ZNF226: variants seen among roughly 807,000 people sequenced by gnomAD.
The protein encoded by ZNF226 is Kruppel-associated box protein.
ZNF226 carries 6 observed loss-of-function variants against 11.4 expected under a neutral mutation model. The observed-to-expected ratio is 0.53, with a 90% CI of 0.29 to 1.04. ZNF226 has a LOEUF of 1.04. Ranked by LOEUF, ZNF226 falls within the 50% of genes least tolerant of loss-of-function variation. ZNF226 has a pLI of 0.08. For missense variants in ZNF226, 1,058 were observed against 956.5 expected, an observed-to-expected ratio of 1.11 and a Z score of -1.40; for synonymous variants, 350 against 322.8, an observed-to-expected ratio of 1.08 and a Z score of -0.90.
rs768819526 is a variant in ZNF226 at position 44,176,921 on chromosome 19, C to T, written c.1659C>T (p.His553=). The T allele has an allele frequency of 2.5e-6, 4 of 1,613,700 alleles. No homozygotes were observed. The highest frequency in any genetic ancestry group is 1.1e-5 in the South Asian group (1 of 91,082). Residue 553 remains histidine, a synonymous_variant, in exon 6 of 6, where the codon CAC becomes CAT. Transcript: ENST00000337433. ...ATCTTCAAATCCATCAGAAGGCCCA[C>T]AGTATAGAGAAACCTTTTAAGTGTG... ...SSYLQIHQKA[H]SIEKPFKCEE... is the part of the protein sequence containing the mutation.
At chr19:44,194,420 C>T in the ZNF226 span, among the ~76,000 whole-genome samples, 1 of 151,960 alleles carries the variant, frequency 6.6e-6, no homozygotes, top group Non-Finnish European at 1.5e-5. Context: ...GGGAGACACG[C>T]GTGCATCACC....
chr19:44,178,518 ATTTCT>A (rs1406959598), downstream of ZNF226: 2 of 152,150 alleles, frequency 1.3e-5, no homozygotes, highest in Admixed American at 1.3e-4. Flanking sequence ...GCTATTGCAG[ATTTCT>A]TTTGTGAACT....
intron 5 of ZNF226, 28 bp from the exon 6 acceptor site, chr19:44,175,470 T>C (rs763902468): frequency 6.5e-7 from 1 of 1,536,162 alleles, no homozygotes; most frequent in Non-Finnish European, 8.7e-7. Flanking sequence ...AAAAATTCAC[T>C]ATCTCTCTGA....
the ZNF226 span, among the ~76,000 whole-genome samples, chr19:44,190,578 G>A: frequency 5.9e-5 from 9 of 151,902 alleles, no homozygotes; most frequent in Non-Finnish European, 1.2e-4. Flanking sequence ...CTCTTGATCC[G>A]CCCGCCTCGG....
chr19:44,193,065 TAAC>T, the ZNF226 span, among the ~76,000 whole-genome samples: 1 of 152,164 alleles, frequency 6.6e-6, no homozygotes, highest in African/African-American at 2.4e-5. Context: ...CTCACTATTT[TAAC>T]AACAATTTTA....
Position 44,170,005 on chromosome 19 carries a change from GTTTTGA to G in ZNF226, c.-46-26_-46-21del, listed in dbSNP as rs1047893905. On this transcript the variant is annotated intron_variant, in intron 2 of 5. Transcript: ENST00000337433. ...CGTGCATTAGCAACATACTTACCCA[GTTTTGA>G]TTTATTTCTCTCTTCTTTCCTAGTT... The G allele has an allele frequency of 4.6e-6, 7 of 1,515,998 alleles. No homozygotes were observed. In the African/African-American group the frequency reaches 8.3e-5, roughly 18 times the overall value. 93.9% of individuals were successfully genotyped at this position (1,515,998 alleles called of 1,614,324 possible).
chr19:44,193,209 G>T, the ZNF226 span, among the ~76,000 whole-genome samples: 1 of 151,526 alleles, frequency 6.6e-6, no homozygotes, highest in African/African-American at 2.4e-5. Context: ...CTTTACATCA[G>T]TTTCATAAAG....
At chr19:44,195,861 CAATT>C in the ZNF226 span, among the ~76,000 whole-genome samples, 1 of 152,180 alleles carries the variant, frequency 6.6e-6, no homozygotes, top group Admixed American at 6.5e-5. Flanking sequence ...TTGCTATAAT[CAATT>C]GAATGAAGAA....
the ZNF226 span, among the ~76,000 whole-genome samples, chr19:44,186,750 G>A: frequency 1.3e-5 from 2 of 151,934 alleles, no homozygotes; most frequent in African/African-American, 4.8e-5. Context: ...GGGCATCCTT[G>A]CCTTGTTCCT....
the ZNF226 span, among the ~76,000 whole-genome samples, chr19:44,188,961 G>A: frequency 2.7e-4 from 41 of 152,316 alleles, no homozygotes; most frequent in Middle Eastern, 6.8e-3. Flanking sequence ...CAGTAACAAC[G>A]GTGGTATCAG....
intron 3 of ZNF226, among the ~76,000 whole-genome samples, chr19:44,170,879 C>A (rs1480704309): frequency 1.3e-5 from 2 of 151,072 alleles, no homozygotes; most frequent in Non-Finnish European, 2.9e-5. Context: ...TGCCACTACT[C>A]CAGCCTGGGC....
At chr19:44,167,623 T>A (rs1413431307) in intron 2 of ZNF226, among the ~76,000 whole-genome samples, 2 of 152,028 alleles carry the variant, frequency 1.3e-5, no homozygotes. Flanking sequence ...CCCAGCCAAC[T>A]TTTTTTAAAA....
chr19:44,177,055 G>A lies in ZNF226; in HGVS notation c.1793G>A (p.Arg598His), dbSNP rs575965116. 24 of 1,613,894 alleles carry A rather than the reference G, an allele frequency of 1.5e-5. No homozygotes were observed. The highest frequency in any genetic ancestry group is 2.2e-5 in the South Asian group (2 of 91,056). Residue 598 changes from arginine (R) to histidine (H), a missense_variant, in exon 6 of 6, where the codon CGT (arginine) becomes CAT (histidine). Coordinates refer to ENST00000337433, the MANE Select transcript of ZNF226 (RefSeq NM_001032373.2). Reference protein sequence around the residue: ...KCEECGKGFSRRADLKIHCRI... With the variant: ...KCEECGKGFSHRADLKIHCRI... ...GAAGAGTGTGGCAAGGGATTTAGTC[G>A]TAGAGCAGATCTTAAAATTCACTGT...
chr19:44,188,358 C>T, the ZNF226 span, among the ~76,000 whole-genome samples: 2 of 152,182 alleles, frequency 1.3e-5, no homozygotes, highest in African/African-American at 4.8e-5. Flanking sequence ...TCTGCATCCA[C>T]AGATTCAACT....
chr19:44,186,130 A>C, the ZNF226 span, among the ~76,000 whole-genome samples: 1 of 152,018 alleles, frequency 6.6e-6, no homozygotes, highest in Non-Finnish European at 1.5e-5. Flanking sequence ...TGCCAGTACC[A>C]CGTCATGTTA....
chr19:44,194,471 G>T, the ZNF226 span, among the ~76,000 whole-genome samples: 3 of 152,060 alleles, frequency 2.0e-5, no homozygotes, highest in Admixed American at 6.6e-5. Context: ...TAGAGACAGG[G>T]TCTTGTTATG....
chr19:44,177,765 C>T, downstream of ZNF226: 2 of 1,352,322 alleles, frequency 1.5e-6, no homozygotes, highest in Non-Finnish European at 2.0e-6. Flanking sequence ...TCCCAGTGGT[C>T]CAAAGACAAC....
intron 5 of ZNF226, 126 bp from the exon 6 acceptor site, chr19:44,175,372 T>C: frequency 1.4e-6 from 2 of 1,430,402 alleles, no homozygotes; most frequent in Admixed American, 3.3e-5. Context: ...AAACTTCAAA[T>C]GTGTCACAAA....
downstream of ZNF226, among the ~76,000 whole-genome samples, chr19:44,179,938 C>T (rs1324589140): frequency 6.6e-6 from 1 of 151,282 alleles, no homozygotes; most frequent in Non-Finnish European, 1.5e-5. Flanking sequence ...AATACAAAAA[C>T]TAGTCGGGTG....
Sources: gnomAD v4.1 joint callset for allele counts (sites outside exome capture counted in the v4.1 genomes callset) on GRCh38, gnomAD v4.1.1 for gene constraint, MANE v1.5 for transcripts, NCBI Gene and HGNC (gene_info 2026-07-23, HGNC 2026-07-21) for gene names.